LRRC4C: variants seen among roughly 807,000 people sequenced by gnomAD.
LRRC4C encodes the protein leucine-rich repeat-containing protein 4C.
LRRC4C carries 5 observed loss-of-function variants against 33.6 expected under a neutral mutation model. That is an observed-to-expected ratio of 0.15 (90% CI 0.08 to 0.31). The LOEUF is 0.31. LRRC4C is among the 10% of genes least tolerant of loss of function. The pLI, the probability that LRRC4C is intolerant of heterozygous loss-of-function variation, is 1.00. For missense variants in LRRC4C, 560 were observed against 796.7 expected (o/e 0.70, Z 3.58); for synonymous variants, 329 against 302.0 (o/e 1.09, Z -0.93).
intron 2 of LRRC4C, among the ~76,000 whole-genome samples, chr11:40,662,746 G>A (rs1943510823): frequency 6.6e-6 from 1 of 152,172 alleles, no homozygotes; most frequent in Admixed American, 6.5e-5. Context: ...TAATAATTAA[G>A]TAACTCTGTG....
chr11:41,398,477 A>G (rs1215747607), intron 1 of LRRC4C, among the ~76,000 whole-genome samples: 2 of 151,986 alleles, frequency 1.3e-5, no homozygotes, highest in Non-Finnish European at 2.9e-5. Context: ...CCCTGAATGC[A>G]CTGTAACATT....
intron 3 of LRRC4C, among the ~76,000 whole-genome samples, chr11:40,569,818 C>T (rs1240622147): frequency 6.6e-6 from 1 of 151,712 alleles, no homozygotes; most frequent in Admixed American, 6.6e-5. Context: ...ATAAAATATT[C>T]ATAATAATTT....
chr11:41,228,980 C>T (rs547588004), intron 1 of LRRC4C, among the ~76,000 whole-genome samples: 24 of 152,140 alleles, frequency 1.6e-4, no homozygotes, highest in African/African-American at 4.6e-4. Flanking sequence ...TTCAATGTGT[C>T]CTCTGGACAA....
intron 1 of LRRC4C, among the ~76,000 whole-genome samples, chr11:41,301,346 T>G (rs1950282059): frequency 6.6e-6 from 1 of 152,182 alleles, no homozygotes; most frequent in Non-Finnish European, 1.5e-5. Flanking sequence ...GTTGAATGCT[T>G]TGTAAAGTTT....
intron 4 of LRRC4C, among the ~76,000 whole-genome samples, chr11:40,245,931 T>A (rs1866294385): frequency 6.6e-6 from 1 of 151,974 alleles, no homozygotes; most frequent in Admixed American, 6.6e-5. Context: ...TAATTTATGT[T>A]AAAATTCTTA....
At chr11:40,651,377 A>G in intron 2 of LRRC4C, among the ~76,000 whole-genome samples, 1 of 152,126 alleles carries the variant, frequency 6.6e-6, no homozygotes, top group South Asian at 2.1e-4. Context: ...AGAGAGAGAG[A>G]AAGAGACAGA....
At chr11:41,390,737 C>CT (rs1953557325) in intron 1 of LRRC4C, among the ~76,000 whole-genome samples, 1 of 151,794 alleles carries the variant, frequency 6.6e-6, no homozygotes, top group South Asian at 2.1e-4. Context: ...CTTCATAGCA[C>CT]TTTCTACCAT....
chr11:40,724,090 T>C (rs999530363), intron 2 of LRRC4C, among the ~76,000 whole-genome samples: 2 of 151,896 alleles, frequency 1.3e-5, no homozygotes, highest in Non-Finnish European at 2.9e-5. Flanking sequence ...ACAACCAATA[T>C]CGGAGCACCC....
At chr11:40,186,654 C>T (rs1161445456) in intron 5 of LRRC4C, among the ~76,000 whole-genome samples, 3 of 152,170 alleles carry the variant, frequency 2.0e-5, no homozygotes, top group South Asian at 2.1e-4. Flanking sequence ...AATCTTTGCT[C>T]GGCCAGTAGC....
intron 1 of LRRC4C, among the ~76,000 whole-genome samples, chr11:41,260,068 TA>T (rs1472814290): frequency 6.6e-6 from 1 of 152,054 alleles, no homozygotes; most frequent in Non-Finnish European, 1.5e-5. Flanking sequence ...CTCTGGAGAT[TA>T]TTTTTTGTCA....
chr11:41,154,758 G>A (rs1189743122), intron 1 of LRRC4C, among the ~76,000 whole-genome samples: 1 of 152,072 alleles, frequency 6.6e-6, no homozygotes, highest in African/African-American at 2.4e-5. Context: ...ACAATTGCAC[G>A]ACATACTTTA....
At chr11:41,458,316 TA>T (rs1252066193) in intron 1 of LRRC4C, among the ~76,000 whole-genome samples, 3 of 151,972 alleles carry the variant, frequency 2.0e-5, no homozygotes, top group Admixed American at 6.6e-5. Context: ...AGATGAAGAG[TA>T]AGATTCTGTT....
chr11:40,740,172 A>T, intron 2 of LRRC4C, among the ~76,000 whole-genome samples: 1 of 151,994 alleles, frequency 6.6e-6, no homozygotes, highest in African/African-American at 2.4e-5. Context: ...CTTTGGATAT[A>T]TACCCAGAAG....
chr11:40,652,365 C>G (rs1313834608), intron 2 of LRRC4C, among the ~76,000 whole-genome samples: 1 of 152,198 alleles, frequency 6.6e-6, no homozygotes, highest in African/African-American at 2.4e-5. Flanking sequence ...TCAACTTGCT[C>G]TGTGAACTCT....
At chr11:41,158,233 C>A (rs886315902) in intron 1 of LRRC4C, among the ~76,000 whole-genome samples, 1 of 152,058 alleles carries the variant, frequency 6.6e-6, no homozygotes, top group African/African-American at 2.4e-5. Context: ...AGCAGCAGAT[C>A]CTGAATTATA....
At chr11:40,808,452 A>G (rs1392298222) in intron 2 of LRRC4C, among the ~76,000 whole-genome samples, 1 of 152,128 alleles carries the variant, frequency 6.6e-6, no homozygotes, top group Non-Finnish European at 1.5e-5. Flanking sequence ...CTCTCACTAT[A>G]TCTGAAGTAA....
At chr11:40,770,675 A>G (rs1412855351) in intron 2 of LRRC4C, among the ~76,000 whole-genome samples, 2 of 152,258 alleles carry the variant, frequency 1.3e-5, no homozygotes, top group Admixed American at 6.5e-5. Context: ...ATTTCAAGAT[A>G]TAATGAGGGT....
chr11:40,931,601 G>A (rs550509278), intron 2 of LRRC4C, among the ~76,000 whole-genome samples: 2 of 152,088 alleles, frequency 1.3e-5, no homozygotes, highest in Admixed American at 1.3e-4. Flanking sequence ...TATACTGCAG[G>A]CATTTAATGC....
chr11:40,670,057 T>G (rs17503018), intron 2 of LRRC4C, among the ~76,000 whole-genome samples: 25,408 of 152,234 alleles, frequency 0.17, 2,377 homozygotes, highest in Admixed American at 0.26. Flanking sequence ...TCTTCATTTT[T>G]GTCATCAAAG....
Sources: allele counts gnomAD v4.1 joint callset (sites outside exome capture counted in the v4.1 genomes callset), GRCh38; gene constraint gnomAD v4.1.1; transcripts MANE v1.5; gene names NCBI Gene and HGNC (gene_info 2026-07-23, HGNC 2026-07-21).